Variants in GPC5 observed in about 807,000 individuals in gnomAD.
GPC5 encodes the protein glypican 5.
GPC5 carries 47 observed loss-of-function variants against 53.9 expected under a neutral mutation model. The observed-to-expected ratio is 0.87, with a 90% CI of 0.69 to 1.11. The LOEUF is 1.11. Among genes scored for constraint, GPC5 ranks in the 50% most tolerant of loss-of-function variants. GPC5 has a pLI of 0.00. For synonymous variants in GPC5, 286 were observed against 263.3 expected (o/e 1.09, Z -0.84); for missense variants, 748 against 713.1 (o/e 1.05, Z -0.56).
intron 7 of GPC5, among the ~76,000 whole-genome samples, chr13:92,502,900 T>C (rs1473770866): frequency 6.6e-6 from 1 of 151,966 alleles, no homozygotes; most frequent in Non-Finnish European, 1.5e-5. Context: ...ATTTTTCCCA[T>C]ATACACAAGG....
intron 6 of GPC5, among the ~76,000 whole-genome samples, chr13:92,029,878 G>A (rs1457078886): frequency 2.6e-5 from 4 of 152,084 alleles, no homozygotes; most frequent in African/African-American, 9.7e-5. Flanking sequence ...AATATCAAAT[G>A]TGACAGCCTC....
chr13:92,645,333 C>T (rs1255279791), intron 7 of GPC5, among the ~76,000 whole-genome samples: 14 of 152,058 alleles, frequency 9.2e-5, no homozygotes, highest in African/African-American at 2.4e-4. Context: ...TCAGTAGAGA[C>T]GGGATTTCAC....
chr13:92,413,443 A>G (rs1353343763), intron 7 of GPC5, among the ~76,000 whole-genome samples: 4 of 152,230 alleles, frequency 2.6e-5, no homozygotes, highest in African/African-American at 9.6e-5. Context: ...TTTAGACTAC[A>G]TTTATTATAA....
chr13:92,780,994 A>G (rs1876005886), intron 7 of GPC5, among the ~76,000 whole-genome samples: 1 of 152,108 alleles, frequency 6.6e-6, no homozygotes, highest in East Asian at 1.9e-4. Flanking sequence ...ATCTATGGCT[A>G]TTTAAAATAA....
intron 7 of GPC5, among the ~76,000 whole-genome samples, chr13:92,838,420 G>GT (rs1304857911): frequency 6.7e-6 from 1 of 149,438 alleles, no homozygotes; most frequent in African/African-American, 2.5e-5. Flanking sequence ...TAGTCGGAGC[G>GT]TGCAGTGAGT....
intron 2 of GPC5, among the ~76,000 whole-genome samples, chr13:91,518,475 A>T (rs1282900811): frequency 6.6e-6 from 1 of 152,220 alleles, no homozygotes; most frequent in Non-Finnish European, 1.5e-5. Flanking sequence ...AAAACCAAAA[A>T]TATTGGACAG....
At chr13:91,990,402 G>A (rs910458433) in intron 6 of GPC5, among the ~76,000 whole-genome samples, 1 of 152,110 alleles carries the variant, frequency 6.6e-6, no homozygotes, top group African/African-American at 2.4e-5. Context: ...AGGGGTGGCT[G>A]TGAGGACTGA....
At chr13:92,322,581 T>C (rs1350851531) in intron 7 of GPC5, among the ~76,000 whole-genome samples, 1 of 152,170 alleles carries the variant, frequency 6.6e-6, no homozygotes, top group East Asian at 1.9e-4. Context: ...TTTGCTATTG[T>C]CTATAGACGA....
chr13:92,611,554 G>A (rs969107406), intron 7 of GPC5, among the ~76,000 whole-genome samples: 1 of 151,974 alleles, frequency 6.6e-6, no homozygotes, highest in African/African-American at 2.4e-5. Context: ...GTTGTCAAAT[G>A]TCTATAAAAT....
At chr13:92,072,734 C>A (rs1055560697) in intron 6 of GPC5, among the ~76,000 whole-genome samples, 5 of 151,882 alleles carry the variant, frequency 3.3e-5, no homozygotes, top group African/African-American at 1.2e-4. Context: ...CTACCACACC[C>A]AGTTAATTTT....
intron 2 of GPC5, among the ~76,000 whole-genome samples, chr13:91,618,959 T>C (rs1490747870): frequency 1.3e-5 from 2 of 152,098 alleles, no homozygotes; most frequent in East Asian, 3.9e-4. Flanking sequence ...ATACACTATT[T>C]ATACTACTAC....
At chr13:92,561,877 A>G (rs1191785307) in intron 7 of GPC5, among the ~76,000 whole-genome samples, 1 of 152,072 alleles carries the variant, frequency 6.6e-6, no homozygotes, top group African/African-American at 2.4e-5. Context: ...ATATTTAGAA[A>G]GGAACGAAGA....
At chr13:92,504,741 C>G (rs1880308104) in intron 7 of GPC5, among the ~76,000 whole-genome samples, 1 of 151,846 alleles carries the variant, frequency 6.6e-6, no homozygotes, top group Admixed American at 6.6e-5. Context: ...AAAGGATAGA[C>G]TTTTCAACAA....
At chr13:91,614,847 C>T (rs567292399) in intron 2 of GPC5, among the ~76,000 whole-genome samples, 9 of 152,206 alleles carry the variant, frequency 5.9e-5, no homozygotes, top group East Asian at 3.9e-4. Context: ...CTTGAATTCA[C>T]GTGTTACTGA....
chr13:91,958,837 C>T (rs1041652012), intron 6 of GPC5, among the ~76,000 whole-genome samples: 1 of 151,790 alleles, frequency 6.6e-6, no homozygotes, highest in Non-Finnish European at 1.5e-5. Context: ...CAAATGAAAA[C>T]CTAAACACAA....
chr13:92,327,780 C>A (rs896919274), intron 7 of GPC5, among the ~76,000 whole-genome samples: 2 of 152,080 alleles, frequency 1.3e-5, no homozygotes, highest in East Asian at 3.9e-4. Context: ...CTCAAAGAGC[C>A]CTTATTTTGT....
intron 5 of GPC5, among the ~76,000 whole-genome samples, chr13:91,884,330 C>T (rs2039300329): frequency 6.6e-6 from 1 of 152,088 alleles, no homozygotes; most frequent in African/African-American, 2.4e-5. Context: ...TTCACAGTAG[C>T]AAAGGCATGG....
intron 7 of GPC5, among the ~76,000 whole-genome samples, chr13:92,727,464 C>T (rs1025459024): frequency 2.0e-5 from 3 of 151,398 alleles, no homozygotes; most frequent in Non-Finnish European, 4.4e-5. Context: ...TCCTTTGCCT[C>T]ATCACAGACC....
intron 6 of GPC5, among the ~76,000 whole-genome samples, chr13:91,913,298 C>A (rs2039627733): frequency 6.6e-6 from 1 of 151,354 alleles, no homozygotes; most frequent in African/African-American, 2.4e-5. Context: ...ACTAGGGAGG[C>A]TGAGGCAGAA....
Sources: allele counts gnomAD v4.1 joint callset (sites outside exome capture counted in the v4.1 genomes callset), GRCh38; gene constraint gnomAD v4.1.1; transcripts MANE v1.5; gene names NCBI Gene and HGNC (gene_info 2026-07-23, HGNC 2026-07-21).